The following KCNIP4 variants were observed in gnomAD, a reference collection of about 807,000 sequenced individuals.
The protein encoded by KCNIP4 is potassium voltage-gated channel interacting protein 4, also known as Kv channel-interacting protein 4.
KCNIP4 carries 12 observed loss-of-function variants against 34.0 expected under a neutral mutation model. The observed-to-expected ratio is 0.35, with a 90% confidence interval of 0.23 to 0.57. The LOEUF is 0.57. KCNIP4 is among the 20% of genes least tolerant of loss of function. KCNIP4 has a pLI of 0.83. For missense variants in KCNIP4, 238 were observed against 311.7 expected, an observed-to-expected ratio of 0.76 and a Z score of 1.78; for synonymous variants, 124 against 102.2, an observed-to-expected ratio of 1.21 and a Z score of -1.29.
chr4:21,622,518 C>CAATG (rs1745060158), intron 1 of KCNIP4, among the ~76,000 whole-genome samples: 1 of 152,106 alleles, frequency 6.6e-6, no homozygotes, highest in Non-Finnish European at 1.5e-5. Flanking sequence ...AAGCATTATG[C>CAATG]CTTTGAGTCA....
At position 21,281,019 on chromosome 4, in the gene KCNIP4, A is replaced by T. The variant is rs567959435; in HGVS notation, c.62-398310T>A. ...CAGCTATCACGTCCTCAATTCTATA[A>T]GATACGCTTTATCCTCTCTATAATA... On this transcript the variant is annotated intron_variant, in intron 1 of 8. Coordinates refer to ENST00000382152, the MANE Select transcript of KCNIP4 (RefSeq NM_025221.6). 2.6e-5 allele frequency among the ~76,000 whole-genome samples: 4 copies of T among 152,238 alleles called. No homozygotes were observed. In the East Asian group the frequency reaches 5.8e-4, roughly 22 times the overall value.
intron 3 of KCNIP4, among the ~76,000 whole-genome samples, chr4:20,770,065 G>A (rs1266607911): frequency 6.6e-6 from 1 of 152,194 alleles, no homozygotes; most frequent in Non-Finnish European, 1.5e-5. Flanking sequence ...GGGATCTTGA[G>A]TGGCTGCATT....
intron 1 of KCNIP4, among the ~76,000 whole-genome samples, chr4:21,700,397 G>A (rs368893871): frequency 3.9e-5 from 6 of 152,090 alleles, no homozygotes; most frequent in East Asian, 1.9e-4. Context: ...TTTGATAAAC[G>A]CCTGTTCAGG....
intron 1 of KCNIP4, chr4:21,697,713 C>G (rs1036750880): frequency 1.7e-6 from 2 of 1,208,882 alleles, no homozygotes; most frequent in Non-Finnish European, 2.0e-6. Context: ...GACAGGCTGC[C>G]GGTTCACACT....
chr4:20,734,746 A>G lies in KCNIP4; in HGVS notation c.430-11T>C, dbSNP rs777174622. On this transcript the variant is annotated splice_polypyrimidine_tract_variant and intron_variant, in intron 5 of 8. Coordinates refer to ENST00000382152, the MANE Select transcript of KCNIP4 (RefSeq NM_025221.6). ...ACCTTTGATGAAATCCTGAAAAGAAATAAAAATTCAATTTTATATGACATT... is the reference window on the plus strand; with the variant it reads ...ACCTTTGATGAAATCCTGAAAAGAAGTAAAAATTCAATTTTATATGACATT... 6.8e-7 allele frequency: 1 copy of G among 1,471,958 alleles called. No homozygotes were observed. The highest frequency in any genetic ancestry group is 9.3e-7 in the Non-Finnish European group (1 of 1,079,520). The allele number at this position is 1,471,958 out of a possible 1,614,324, so 91.2% of individuals were successfully genotyped here. A position where few individuals can be genotyped will look rare whatever the true frequency, so the allele number is the denominator to read the frequency against.
At chr4:21,236,778 G>A (rs1759387762) in intron 1 of KCNIP4, among the ~76,000 whole-genome samples, 1 of 151,840 alleles carries the variant, frequency 6.6e-6, no homozygotes, top group Admixed American at 6.6e-5. Flanking sequence ...GGGAGGCTGA[G>A]GTGGGTGGAT....
In KCNIP4 at chr4:21,866,800, C is replaced by T. The variant is rs1218229405; in HGVS notation, c.61+81771G>A. Reference sequence around the variant, plus strand: ...TTTTTTTTTTTTTGAGATGGAGTCTCGCTCTGTCGCCCAGGCTGGAGTGCA... The same window carrying T: ...TTTTTTTTTTTTTGAGATGGAGTCTTGCTCTGTCGCCCAGGCTGGAGTGCA... On this transcript the variant is annotated intron_variant, in intron 1 of 8. Transcript: ENST00000382152. 4.4e-5 allele frequency among the ~76,000 whole-genome samples: 5 copies of T among 112,970 alleles called. No individual in the cohort carries two copies. The South Asian group carries it at 9.4e-4, about 21-fold the overall frequency. 74.1% of individuals were successfully genotyped at this position (112,970 alleles called of 152,430 possible). A position where few individuals can be genotyped will look rare whatever the true frequency, so the allele number is the denominator to read the frequency against.
chr4:21,676,090 C>T (rs1749870749), intron 1 of KCNIP4, among the ~76,000 whole-genome samples: 1 of 152,120 alleles, frequency 6.6e-6, no homozygotes, highest in South Asian at 2.1e-4. Context: ...TCTCAGGTTT[C>T]TCTGAAAAAT....
intron 1 of KCNIP4, among the ~76,000 whole-genome samples, chr4:21,268,629 ACTT>A (rs1396877559): frequency 2.0e-5 from 3 of 152,198 alleles, no homozygotes; most frequent in Non-Finnish European, 4.4e-5. Context: ...CTGCTTCAAC[ACTT>A]CAAGGGGCAG....
Position 21,348,982 on chromosome 4 carries a change from G to T in KCNIP4, c.62-466273C>A, listed in dbSNP as rs985587238. 1.1e-4 allele frequency among the ~76,000 whole-genome samples: 17 copies of T among 152,270 alleles called. No homozygotes were observed. The East Asian group carries it at 3.1e-3, about 28-fold the overall frequency. ...AAGATGCTTCTGCCTGAGAGAATTG[G>T]CTTTGTCAATTACTTTGTGGTGGGA... On this transcript the variant is annotated intron_variant, in intron 1 of 8. Coordinates refer to ENST00000382152, the MANE Select transcript of KCNIP4 (RefSeq NM_025221.6).
chr4:21,397,934 G>T (rs1016850308), intron 1 of KCNIP4, among the ~76,000 whole-genome samples: 1 of 152,124 alleles, frequency 6.6e-6, no homozygotes, highest in Admixed American at 6.5e-5. Context: ...AATCTCGTCA[G>T]CTCTTACTTA....
In KCNIP4 at chr4:21,698,921, C is replaced by G. The variant is rs925429682; in HGVS notation, c.61+249650G>C. Among the ~76,000 whole-genome samples, 7 of 152,162 alleles carry G rather than the reference C, an allele frequency of 4.6e-5. No homozygotes were observed. In the South Asian group the frequency reaches 1.4e-3, roughly 32 times the overall value. On this transcript the variant is annotated intron_variant, in intron 1 of 8. Transcript: ENST00000382152. Reference sequence around the variant, plus strand: ...AACTCTTCCCCATTCCCACCAGTCTCAGGGTTCTAACCATTCTAACCATTT... The same window carrying G: ...AACTCTTCCCCATTCCCACCAGTCTGAGGGTTCTAACCATTCTAACCATTT...
At chr4:21,719,341 C>G (rs2109092078) in intron 1 of KCNIP4, among the ~76,000 whole-genome samples, 1 of 152,272 alleles carries the variant, frequency 6.6e-6, no homozygotes, top group South Asian at 2.1e-4. Flanking sequence ...CTGCCTGCTG[C>G]TGTTTCAGCT....
chr4:20,982,718 A>T (rs1736184616), intron 1 of KCNIP4, among the ~76,000 whole-genome samples: 1 of 152,204 alleles, frequency 6.6e-6, no homozygotes, highest in Admixed American at 6.5e-5. Flanking sequence ...TATTAAGAGA[A>T]ACAACCTGTA....
intron 1 of KCNIP4, among the ~76,000 whole-genome samples, chr4:21,415,254 T>C (rs1262304606): frequency 1.3e-5 from 2 of 151,866 alleles, no homozygotes; most frequent in African/African-American, 4.8e-5. Context: ...ATCACATTCA[T>C]AGAATCAAAG....
At chr4:21,624,770 A>T (rs561151711) in intron 1 of KCNIP4, among the ~76,000 whole-genome samples, 1 of 152,022 alleles carries the variant, frequency 6.6e-6, no homozygotes, top group South Asian at 2.1e-4. Context: ...AAAGTCAAAG[A>T]CTCTTTGACG....
intron 1 of KCNIP4, among the ~76,000 whole-genome samples, chr4:21,708,034 T>G (rs1713429506): frequency 6.6e-6 from 1 of 152,118 alleles, no homozygotes; most frequent in Non-Finnish European, 1.5e-5. Flanking sequence ...TCCCACTCTT[T>G]GGTGGGTCAT....
chr4:21,907,306 G>A (rs752706740), intron 1 of KCNIP4, among the ~76,000 whole-genome samples: 4 of 152,110 alleles, frequency 2.6e-5, no homozygotes, highest in African/African-American at 4.8e-5. Context: ...CCCCTCACAC[G>A]TTGTCTCTTT....
At chr4:20,911,298 T>A (rs916714813) in intron 1 of KCNIP4, among the ~76,000 whole-genome samples, 2 of 152,236 alleles carry the variant, frequency 1.3e-5, no homozygotes, top group Non-Finnish European at 2.9e-5. Context: ...CCCAGTTTAC[T>A]GTCGTGTAAA....
Sources: allele counts gnomAD v4.1 joint callset (sites outside exome capture counted in the v4.1 genomes callset), GRCh38; gene constraint gnomAD v4.1.1; transcripts MANE v1.5; gene names NCBI Gene and HGNC (gene_info 2026-07-23, HGNC 2026-07-21).